Variants in NBEA observed in about 807,000 individuals in gnomAD.
NBEA encodes the protein lysosomal-trafficking regulator 2.
In NBEA, 44 loss-of-function variants were observed where a neutral mutation model predicts 343.4. That is an observed-to-expected ratio of 0.13 (90% CI 0.10 to 0.16). NBEA has a LOEUF of 0.16. Ranked by LOEUF, NBEA falls within the 10% of genes least tolerant of loss-of-function variation. NBEA has a pLI of 1.00. For missense variants in NBEA, 2,555 were observed against 3,631.3 expected (o/e 0.70, Z 7.62); for synonymous variants, 1,175 against 1,238.7 (o/e 0.95, Z 1.08).
At chr13:35,632,038 G>A (rs1445525362) in intron 49 of NBEA, among the ~76,000 whole-genome samples, 1 of 152,128 alleles carries the variant, frequency 6.6e-6, no homozygotes, top group African/African-American at 2.4e-5. Context: ...CTGTTGGATA[G>A]TAGATATTAT....
In NBEA at chr13:35,161,622, A is replaced by T. The variant is rs2069567514; in HGVS notation, c.3862-128A>T. The T allele has an allele frequency of 8.4e-6, 7 of 833,240 alleles. No individual in the cohort carries two copies. In the East Asian group the frequency reaches 1.9e-4, roughly 23 times the overall value. 51.6% of individuals were successfully genotyped at this position (833,240 alleles called of 1,614,324 possible). A position where few individuals can be genotyped will look rare whatever the true frequency, so the allele number is the denominator to read the frequency against. ...TTACCAGGTGAATAATATATGTGAA[A>T]TATATTAAACTGCTAAAGTCATATG... On this transcript the variant is annotated intron_variant, in intron 22 of 58. Transcript: ENST00000379939.
At chr13:35,198,641 T>C (rs191838166) in intron 31 of NBEA, among the ~76,000 whole-genome samples, 202 of 152,208 alleles carry the variant, frequency 1.3e-3, no homozygotes, top group African/African-American at 4.8e-3. Flanking sequence ...TAAGTACAAA[T>C]GAAATGGAAG....
intron 1 of NBEA, among the ~76,000 whole-genome samples, chr13:34,946,700 AT>A (rs201962970): frequency 4.2e-3 from 574 of 136,952 alleles, no homozygotes; most frequent in Middle Eastern, 7.7e-3. Flanking sequence ...ATTTCCTCTG[AT>A]TTTTTTTTTT....
intron 48 of NBEA, among the ~76,000 whole-genome samples, chr13:35,617,899 C>T (rs1293077955): frequency 6.6e-6 from 1 of 152,152 alleles, no homozygotes; most frequent in African/African-American, 2.4e-5. Context: ...ATGTAATATA[C>T]AAAGTCTAGG....
At chr13:35,301,149 A>G (rs2036514272) in intron 35 of NBEA, among the ~76,000 whole-genome samples, 1 of 152,044 alleles carries the variant, frequency 6.6e-6, no homozygotes, top group African/African-American at 2.4e-5. Flanking sequence ...CATTGACCAC[A>G]ACAATGAGAG....
rs2075696877 is a variant in NBEA at position 35,472,520 on chromosome 13, A to G, written c.6569A>G (p.Lys2190Arg). 1 of 1,614,016 alleles carries G rather than the reference A, an allele frequency of 6.2e-7. No individual in the cohort carries two copies. Among genetic ancestry groups the G allele is most frequent in the African/African-American group, 1.3e-5 (1 of 75,038 alleles). The change falls in exon 41 of 59, where the codon AAG (lysine) becomes AGG (arginine). Residue 2190 changes from lysine (K) to arginine (R), a missense_variant. This residue lies in a region of NBEA where 246 missense variants were observed against 313.7 expected (regional missense o/e 0.78). Coordinates refer to ENST00000379939, the MANE Select transcript of NBEA (RefSeq NM_001385012.1). ...FEVDEDDSAF[K>R]KIDTKVLAYT... ...GTAGATGAGGATGATTCTGCCTTCAAGAAGATCGACACGAAAGTGAGTTAA... is the reference window on the plus strand; with the variant it reads ...GTAGATGAGGATGATTCTGCCTTCAGGAAGATCGACACGAAAGTGAGTTAA...
intron 40 of NBEA, among the ~76,000 whole-genome samples, chr13:35,465,809 C>A (rs2075364124): frequency 6.7e-6 from 1 of 149,848 alleles, no homozygotes; most frequent in African/African-American, 2.5e-5. Context: ...ATTGCCTTTG[C>A]AGAAAATGCA....
At chr13:35,025,680 AAG>A (rs1459970458) in intron 1 of NBEA, among the ~76,000 whole-genome samples, 1 of 152,096 alleles carries the variant, frequency 6.6e-6, no homozygotes, top group African/African-American at 2.4e-5. Context: ...AATTGAATAA[AAG>A]AGATGTCTCA....
intron 10 of NBEA, among the ~76,000 whole-genome samples, chr13:35,093,747 T>C (rs1372197402): frequency 6.6e-6 from 1 of 152,022 alleles, no homozygotes; most frequent in Non-Finnish European, 1.5e-5. Context: ...CCATATTTAC[T>C]ATAGTGGTGG....
chr13:34,967,996 A>G lies in NBEA; in HGVS notation c.294+24882A>G, dbSNP rs1260075199. Among the ~76,000 whole-genome samples, 5 of 152,094 alleles carry G rather than the reference A, an allele frequency of 3.3e-5. No individual in the cohort carries two copies. In the East Asian group the frequency reaches 9.6e-4, roughly 29 times the overall value. On this transcript the variant is annotated intron_variant, in intron 1 of 58. Coordinates refer to ENST00000379939, the MANE Select transcript of NBEA (RefSeq NM_001385012.1). ...AATAGGCTACCTGCACTTCTGCTCA[A>G]CTGACCACAAATTCAGAGGTTCCCA...
At chr13:35,114,202 G>C (rs1482308000) in intron 13 of NBEA, among the ~76,000 whole-genome samples, 1 of 152,028 alleles carries the variant, frequency 6.6e-6, no homozygotes, top group African/African-American at 2.4e-5. Flanking sequence ...TTATATCTAT[G>C]TATATAGGTA....
chr13:35,433,809 A>G (rs887807911), intron 39 of NBEA, among the ~76,000 whole-genome samples: 1 of 152,086 alleles, frequency 6.6e-6, no homozygotes, highest in Non-Finnish European at 1.5e-5. Context: ...ATGATCTTGT[A>G]GGAGAGAATC....
intron 17 of NBEA, among the ~76,000 whole-genome samples, chr13:35,129,994 C>T (rs1280079535): frequency 3.3e-5 from 5 of 152,098 alleles, no homozygotes; most frequent in Non-Finnish European, 7.4e-5. Flanking sequence ...ATAAAGGTGC[C>T]ATCTCTGATG....
chr13:35,245,227 GT>G (rs1193031169), intron 34 of NBEA, among the ~76,000 whole-genome samples: 1 of 152,032 alleles, frequency 6.6e-6, no homozygotes, highest in Non-Finnish European at 1.5e-5. Context: ...GCAGATACTT[GT>G]TTGGTGAATT....
intron 36 of NBEA, among the ~76,000 whole-genome samples, chr13:35,310,861 T>G (rs184280864): frequency 9.1e-4 from 138 of 152,316 alleles, no homozygotes; most frequent in African/African-American, 3.2e-3. Context: ...AGAATAGTCC[T>G]TGAAAATTAG....
chr13:35,531,539 T>A (rs190432480), intron 41 of NBEA, among the ~76,000 whole-genome samples: 74 of 152,304 alleles, frequency 4.9e-4, no homozygotes, highest in African/African-American at 1.8e-3. Context: ...AAATTCCTCA[T>A]TCACAGAAAT....
At position 35,665,190 on chromosome 13, in the gene NBEA, A is replaced by G; in HGVS notation, c.8464+4A>G. 6.3e-7 allele frequency: 1 copy of G among 1,575,530 alleles called. No individual in the cohort carries two copies. Among genetic ancestry groups the G allele is most frequent in the Non-Finnish European group, 8.6e-7 (1 of 1,157,078 alleles). On this transcript the variant is annotated splice_donor_region_variant and intron_variant, in intron 56 of 58. Transcript: ENST00000379939. ...CTTGTTATCAGTGGTGCTAAAGGTCAGAAGTCATTTCTTTCATTTTCAATG... is the reference window on the plus strand; with the variant it reads ...CTTGTTATCAGTGGTGCTAAAGGTCGGAAGTCATTTCTTTCATTTTCAATG...
intron 34 of NBEA, among the ~76,000 whole-genome samples, chr13:35,284,364 T>G (rs900582908): frequency 3.3e-5 from 5 of 151,356 alleles, no homozygotes; most frequent in Admixed American, 2.0e-4. Context: ...TTTTGCAGGG[T>G]TTTTTTTGTT....
At chr13:34,972,657 G>T (rs1395310241) in intron 1 of NBEA, among the ~76,000 whole-genome samples, 1 of 152,042 alleles carries the variant, frequency 6.6e-6, no homozygotes, top group East Asian at 1.9e-4. Flanking sequence ...TCTTAGTCTT[G>T]AGTTCTAATT....
Sources: gnomAD v4.1 joint callset for allele counts (sites outside exome capture counted in the v4.1 genomes callset) on GRCh38, gnomAD v4.1.1 for gene constraint, gnomAD v4.1.1 regional missense constraint, MANE v1.5 for transcripts, NCBI Gene and HGNC (gene_info 2026-07-23, HGNC 2026-07-21) for gene names.